SERPINI1: variants seen among roughly 807,000 people sequenced by gnomAD.
SERPINI1 encodes the protein neuroserpin.
Under a neutral mutation model 41.1 loss-of-function variants are expected in SERPINI1, and 19 were observed. The observed-to-expected ratio is 0.46, with a 90% CI of 0.32 to 0.68. SERPINI1 has a LOEUF of 0.68. Ranked by LOEUF, SERPINI1 falls within the 30% of genes least tolerant of loss-of-function variation. The pLI is 0.03. For missense variants in SERPINI1, 460 were observed against 479.2 expected (o/e 0.96, Z 0.37); for synonymous variants, 138 against 156.6 (o/e 0.88, Z 0.89).
chr3:167,763,357 T>TTGTGTG (rs35578479), intron 1 of SERPINI1, among the ~76,000 whole-genome samples: 3,927 of 147,686 alleles, frequency 0.027, 171 homozygotes, highest in African/African-American at 0.09. Flanking sequence ...AACCACAGTT[T>TTGTGTG]TGTGTGTGTG....
intron 1 of SERPINI1, among the ~76,000 whole-genome samples, chr3:167,741,875 G>T (rs1577394758): frequency 6.6e-6 from 1 of 152,050 alleles, no homozygotes; most frequent in African/African-American, 2.4e-5. Flanking sequence ...TATAATACCA[G>T]TAATGTCATA....
chr3:167,805,066 A>G (rs1711581668), intron 5 of SERPINI1, among the ~76,000 whole-genome samples: 1 of 152,160 alleles, frequency 6.6e-6, no homozygotes, highest in Admixed American at 6.5e-5. Flanking sequence ...ATACACATTT[A>G]TATATAATAA....
At chr3:167,760,984 A>G (rs1203196616) in intron 1 of SERPINI1, among the ~76,000 whole-genome samples, 2 of 152,220 alleles carry the variant, frequency 1.3e-5, no homozygotes. Flanking sequence ...ATTTAACACT[A>G]GTACAACAGC....
At chr3:167,793,838 ATG>A (rs56401913) in intron 4 of SERPINI1, among the ~76,000 whole-genome samples, 2,583 of 141,094 alleles carry the variant, frequency 0.018, 32 homozygotes, top group Middle Eastern at 0.032. Context: ...GGCCATATGT[ATG>A]TGTGTGTGTG....
chr3:167,741,177 C>A (rs557362102), intron 1 of SERPINI1, among the ~76,000 whole-genome samples: 2 of 152,188 alleles, frequency 1.3e-5, no homozygotes, highest in Non-Finnish European at 2.9e-5. Context: ...TTTGAGGCCC[C>A]CTTCTGGTTC....
chr3:167,753,884 T>A (rs1395471013), intron 1 of SERPINI1, among the ~76,000 whole-genome samples: 2 of 152,232 alleles, frequency 1.3e-5, no homozygotes, highest in Non-Finnish European at 2.9e-5. Flanking sequence ...GTCTCTCTTC[T>A]GGTAAGAAAT....
chr3:167,799,082 G>A (rs1481302591), intron 5 of SERPINI1, among the ~76,000 whole-genome samples: 1 of 151,990 alleles, frequency 6.6e-6, no homozygotes, highest in African/African-American at 2.4e-5. Flanking sequence ...TGGGATACAT[G>A]TGCAGAACAT....
intron 1 of SERPINI1, among the ~76,000 whole-genome samples, chr3:167,767,345 CT>C (rs1369807936): frequency 6.6e-6 from 1 of 152,134 alleles, no homozygotes; most frequent in Non-Finnish European, 1.5e-5. Flanking sequence ...AAACAGGTTC[CT>C]TTCAAAATAT....
chr3:167,748,869 T>C (rs1237134648), intron 1 of SERPINI1, among the ~76,000 whole-genome samples: 2 of 151,952 alleles, frequency 1.3e-5, no homozygotes, highest in African/African-American at 4.8e-5. Context: ...TTTTGGTCAT[T>C]TTCCCAGCCT....
At chr3:167,763,554 T>C (rs894361702) in intron 1 of SERPINI1, among the ~76,000 whole-genome samples, 5 of 152,118 alleles carry the variant, frequency 3.3e-5, no homozygotes, top group Admixed American at 1.3e-4. Flanking sequence ...TAATTTATCT[T>C]GTATCTTTGG....
At chr3:167,761,514 A>T (rs1317621294) in intron 1 of SERPINI1, among the ~76,000 whole-genome samples, 2 of 152,090 alleles carry the variant, frequency 1.3e-5, no homozygotes, top group East Asian at 3.8e-4. Context: ...TTCTACCTTA[A>T]CCCACCCTCC....
chr3:167,768,548 A>G (rs1389173275), intron 1 of SERPINI1, among the ~76,000 whole-genome samples: 1 of 152,236 alleles, frequency 6.6e-6, no homozygotes, highest in Non-Finnish European at 1.5e-5. Flanking sequence ...ACAAAAGCAC[A>G]TCAGTGATCA....
At chr3:167,809,957 G>C (rs1240762929) in intron 6 of SERPINI1, among the ~76,000 whole-genome samples, 2 of 152,110 alleles carry the variant, frequency 1.3e-5, no homozygotes, top group African/African-American at 4.8e-5. Context: ...CAGTCTTTCA[G>C]TGGGAATTCT....
chr3:167,768,956 G>A (rs1213406804), intron 1 of SERPINI1, among the ~76,000 whole-genome samples: 2 of 151,820 alleles, frequency 1.3e-5, no homozygotes, highest in Non-Finnish European at 1.5e-5. Context: ...CTGTCTCCAG[G>A]AGCCCCTCCC....
rs1712384455 is a variant in SERPINI1 at position 167,822,884 on chromosome 3, A to G, written c.980-102A>G. 8.4e-6 allele frequency: 6 copies of G among 710,736 alleles called. No individual in the cohort carries two copies. The East Asian group carries it at 1.6e-4, about 19-fold the overall frequency. 44.0% of individuals were successfully genotyped at this position (710,736 alleles called of 1,614,324 possible). ...TAACATTATCTCCTAGGTTTTCTTC[A>G]GTATCCCAGTCTCTTAGATCTCTAA... On this transcript the variant is annotated intron_variant, in intron 6 of 8. Coordinates refer to ENST00000446050, the MANE Select transcript of SERPINI1 (RefSeq NM_001122752.2).
intron 6 of SERPINI1, among the ~76,000 whole-genome samples, chr3:167,814,620 TC>T (rs1322359141): frequency 2.6e-5 from 4 of 152,234 alleles, no homozygotes; most frequent in African/African-American, 9.6e-5. Flanking sequence ...ATGATGGCTA[TC>T]CTGCAAGCAT....
At chr3:167,769,317 C>T (rs537470921) in intron 1 of SERPINI1, among the ~76,000 whole-genome samples, 85 of 152,036 alleles carry the variant, frequency 5.6e-4, no homozygotes, top group South Asian at 2.1e-3. Context: ...TAATTGCCAA[C>T]GACAGGAAGC....
intron 6 of SERPINI1, among the ~76,000 whole-genome samples, chr3:167,809,309 T>G (rs917346095): frequency 6.6e-6 from 1 of 152,208 alleles, no homozygotes; most frequent in East Asian, 1.9e-4. Flanking sequence ...AAATTCCAAT[T>G]GGATAATTAC....
intron 1 of SERPINI1, among the ~76,000 whole-genome samples, chr3:167,750,199 C>CT (rs927052590): frequency 6.6e-6 from 1 of 151,954 alleles, no homozygotes; most frequent in Non-Finnish European, 1.5e-5. Context: ...CAAAGCTTTG[C>CT]TTTTTTTTCT....
Sources: gnomAD v4.1 joint callset for allele counts (sites outside exome capture counted in the v4.1 genomes callset) on GRCh38, gnomAD v4.1.1 for gene constraint, MANE v1.5 for transcripts, NCBI Gene and HGNC (gene_info 2026-07-23, HGNC 2026-07-21) for gene names.